The following DOCK4 variants were observed in gnomAD, a reference collection of about 807,000 sequenced individuals.
DOCK4 encodes the protein dedicator of cytokinesis protein 4.
In DOCK4, 97 loss-of-function variants were observed where a neutral mutation model predicts 268.1. The observed-to-expected ratio is 0.36, with a 90% CI of 0.31 to 0.43. The LOEUF (loss-of-function observed/expected upper bound fraction) is 0.43, where lower values mean the gene tolerates loss of function less well. DOCK4 is among the 20% of genes least tolerant of loss of function. The pLI is 1.00. For missense variants in DOCK4, 2,145 were observed against 2,455.7 expected (o/e 0.87, Z 2.67); for synonymous variants, 954 against 887.2 (o/e 1.08, Z -1.34).
chr7:111,844,614 T>A (rs1803947641), intron 25 of DOCK4, 149 bp downstream of exon 25: 1 of 1,071,268 alleles, frequency 9.3e-7, no homozygotes, highest in East Asian at 2.8e-5. Flanking sequence ...GGTTTCCTTG[T>A]AAAATTAAGG....
At chr7:111,896,288 A>C (rs115161128) in intron 15 of DOCK4, among the ~76,000 whole-genome samples, 452 of 152,224 alleles carry the variant, frequency 3.0e-3, no homozygotes, top group African/African-American at 0.011. Context: ...TGAATATTAA[A>C]CCTATAGTTT....
At chr7:112,112,167 G>A (rs2115712713) in intron 1 of DOCK4, among the ~76,000 whole-genome samples, 1 of 152,264 alleles carries the variant, frequency 6.6e-6, no homozygotes, top group South Asian at 2.1e-4. Flanking sequence ...CTGGGCTTGG[G>A]TCATGGCGGC....
chr7:111,757,691 A>T (rs1797123795), intron 41 of DOCK4, among the ~76,000 whole-genome samples: 1 of 152,126 alleles, frequency 6.6e-6, no homozygotes, highest in Admixed American at 6.5e-5. Context: ...TCGGTTGTGA[A>T]TGATCCCTGG....
intron 1 of DOCK4, among the ~76,000 whole-genome samples, chr7:112,190,028 C>CG (rs1036591113): frequency 2.0e-5 from 3 of 152,088 alleles, no homozygotes; most frequent in Admixed American, 6.6e-5. Flanking sequence ...CTGTGGATGT[C>CG]GGGGGGTTGC....
intron 25 of DOCK4, among the ~76,000 whole-genome samples, chr7:111,841,097 A>G (rs1156241657): frequency 6.6e-6 from 1 of 152,210 alleles, no homozygotes; most frequent in African/African-American, 2.4e-5. Context: ...AAACACCTTT[A>G]CAGATTTGAT....
chr7:111,962,289 T>C (rs1796964473), intron 8 of DOCK4, among the ~76,000 whole-genome samples: 1 of 152,242 alleles, frequency 6.6e-6, no homozygotes, highest in South Asian at 2.1e-4. Flanking sequence ...GTTAGGTGTA[T>C]TTCCTGTACT....
intron 51 of DOCK4, 28 bp downstream of exon 51, chr7:111,735,026 T>C: frequency 1.3e-6 from 2 of 1,498,978 alleles, no homozygotes; most frequent in East Asian, 2.4e-5. Context: ...TTTATAAAAG[T>C]GATCATTCAA....
intron 1 of DOCK4, among the ~76,000 whole-genome samples, chr7:112,051,233 A>G (rs1805323321): frequency 6.6e-6 from 1 of 152,136 alleles, no homozygotes; most frequent in African/African-American, 2.4e-5. Context: ...GAAAAGTTTC[A>G]TGCATTAATT....
At chr7:112,160,791 T>C (rs2116491933) in intron 1 of DOCK4, among the ~76,000 whole-genome samples, 1 of 152,352 alleles carries the variant, frequency 6.6e-6, no homozygotes. Context: ...TGTACTTGGC[T>C]ATAGCCTCTA....
chr7:111,765,034 T>C (rs1797681725), intron 39 of DOCK4, 84 bp downstream of exon 39: 4 of 618,012 alleles, frequency 6.5e-6, no homozygotes, highest in Non-Finnish European at 1.0e-5. Flanking sequence ...ACCTGTCATA[T>C]AAAATGTCAT....
At chr7:111,839,906 C>T (rs967923437) in intron 25 of DOCK4, among the ~76,000 whole-genome samples, 6 of 151,946 alleles carry the variant, frequency 3.9e-5, no homozygotes, top group African/African-American at 1.2e-4. Context: ...CGGTGACTTC[C>T]AATTACTAAT....
At chr7:112,001,580 G>A (rs1321117396) in intron 2 of DOCK4, among the ~76,000 whole-genome samples, 1 of 149,954 alleles carries the variant, frequency 6.7e-6, no homozygotes, top group Non-Finnish European at 1.5e-5. Context: ...AGTGCTTTAA[G>A]TGAAAAGGTG....
chr7:111,944,779 G>T, intron 10 of DOCK4, 32 bp downstream of exon 10: 1 of 1,592,936 alleles, frequency 6.3e-7, no homozygotes, highest in Non-Finnish European at 8.6e-7. Flanking sequence ...TCTGTTCCTT[G>T]CCCCTACTGC....
chr7:112,034,560 A>C (rs1297474387), intron 1 of DOCK4, among the ~76,000 whole-genome samples: 1 of 152,232 alleles, frequency 6.6e-6, no homozygotes, highest in Non-Finnish European at 1.5e-5. Flanking sequence ...GTTGGAGTCA[A>C]GTTGAACCAC....
chr7:111,894,624 A>G (rs1586291885), intron 16 of DOCK4, among the ~76,000 whole-genome samples: 1 of 152,154 alleles, frequency 6.6e-6, no homozygotes, highest in Non-Finnish European at 1.5e-5. Flanking sequence ...AGGCAGGGGA[A>G]GGCTGACTCC....
At position 111,728,485 on chromosome 7, in the gene DOCK4, C is replaced by T. The variant is rs1794818110; in HGVS notation, c.5717G>A (p.Ser1906Asn). The change falls in exon 53 of 53, where the codon AGC becomes AAC. Residue 1906 changes from serine (S) to asparagine (N), a missense_variant. Physicochemically the swap from Ser to Asn is conservative, Grantham distance 46. Around this residue, in one of 2 missense-constraint regions of DOCK4, gnomAD observed 547 missense variants for 469.0 expected, o/e 1.17. Transcript: ENST00000428084. ...YGGEEPVRKE[S>N]KTPPPYSVYE... ...GACGCTGTACGGGGGCGGAGTCTTG[C>T]TCTCCTTGCGCACTGGCTCCTCCCC... 1.2e-6 allele frequency: 2 copies of T among 1,612,632 alleles called. No homozygotes were observed. Among genetic ancestry groups the T allele is most frequent in the Non-Finnish European group, 8.5e-7 (1 of 1,179,462 alleles).
chr7:111,850,986 A>T (rs1320812460), intron 23 of DOCK4, among the ~76,000 whole-genome samples: 1 of 152,240 alleles, frequency 6.6e-6, no homozygotes, highest in Non-Finnish European at 1.5e-5. Context: ...ATGCCGAGGT[A>T]ATTCAATGGA....
chr7:112,072,921 C>G (rs747278244), intron 1 of DOCK4, among the ~76,000 whole-genome samples: 11 of 152,222 alleles, frequency 7.2e-5, no homozygotes, highest in Admixed American at 1.3e-4. Context: ...AGTAATCACA[C>G]TGCTCATGCA....
At chr7:111,969,796 A>G (rs1295548655) in intron 8 of DOCK4, among the ~76,000 whole-genome samples, 9 of 152,212 alleles carry the variant, frequency 5.9e-5, no homozygotes, top group Non-Finnish European at 1.3e-4. Flanking sequence ...ATAAACAAAT[A>G]CCATGACTCT....
Sources: gnomAD v4.1 joint callset for allele counts (sites outside exome capture counted in the v4.1 genomes callset) on GRCh38, gnomAD v4.1.1 for gene constraint, gnomAD v4.1.1 regional missense constraint, MANE v1.5 for transcripts, NCBI Gene and HGNC (gene_info 2026-07-23, HGNC 2026-07-21) for gene names.